The following CALN1 variants were observed in gnomAD, a reference collection of about 807,000 sequenced individuals.
CALN1 encodes calneuron 1, also known as calcium-binding protein 8.
Under a neutral mutation model 30.6 loss-of-function variants are expected in CALN1, and 17 were observed. That is an observed-to-expected ratio of 0.56 (90% CI 0.38 to 0.83). CALN1 has a LOEUF of 0.83. CALN1 is among the 40% of genes least tolerant of loss of function. CALN1 has a pLI of 0.00. For synonymous variants in CALN1, 156 were observed against 131.4 expected, an observed-to-expected ratio of 1.19 and a Z score of -1.28; for missense variants, 291 against 354.9, an observed-to-expected ratio of 0.82 and a Z score of 1.45.
chr7:72,012,621 A>C (rs552609737), intron 5 of CALN1, among the ~76,000 whole-genome samples: 2 of 152,330 alleles, frequency 1.3e-5, no homozygotes, highest in African/African-American at 4.8e-5. Context: ...AACTGGACAT[A>C]AGGCTGGTAT....
intron 3 of CALN1, among the ~76,000 whole-genome samples, chr7:72,276,323 A>G (rs2129553878): frequency 6.6e-6 from 1 of 152,306 alleles, no homozygotes. Flanking sequence ...ATAGGTAGGA[A>G]AAGCCTGGGC....
chr7:71,816,163 CCT>C (rs981797385), intron 5 of CALN1, among the ~76,000 whole-genome samples: 9 of 151,936 alleles, frequency 5.9e-5, no homozygotes. Context: ...TAACTGTGCA[CCT>C]CTGTTCTAAA....
At chr7:72,181,096 A>AAC (rs1789755682) in intron 3 of CALN1, among the ~76,000 whole-genome samples, 7 of 74,610 alleles carry the variant, frequency 9.4e-5, no homozygotes, top group Admixed American at 1.4e-4. Context: ...AAACTGCATA[A>AAC]CCCCCCCCCC....
At chr7:72,229,829 G>C (rs891258526) in intron 3 of CALN1, among the ~76,000 whole-genome samples, 8 of 151,812 alleles carry the variant, frequency 5.3e-5, no homozygotes, top group Non-Finnish European at 8.8e-5. Flanking sequence ...AATACATAAT[G>C]CATTTGCAGG....
chr7:71,794,433 TAGA>T (rs1414721602), intron 6 of CALN1, among the ~76,000 whole-genome samples: 2 of 152,230 alleles, frequency 1.3e-5, no homozygotes, highest in African/African-American at 2.4e-5. Context: ...AAGTCTATAA[TAGA>T]AGACTATAGG....
At chr7:72,428,383 T>C (rs1211750716) in intron 1 of CALN1, among the ~76,000 whole-genome samples, 1 of 149,758 alleles carries the variant, frequency 6.7e-6, no homozygotes, top group Non-Finnish European at 1.5e-5. Flanking sequence ...TTTTTGTTTT[T>C]ATTTTATTTT....
intron 4 of CALN1, among the ~76,000 whole-genome samples, chr7:72,096,052 G>C (rs1017839972): frequency 6.6e-6 from 1 of 150,554 alleles, no homozygotes; most frequent in Non-Finnish European, 1.5e-5. Flanking sequence ...AAGATAGATA[G>C]ATAGATAGAT....
intron 2 of CALN1, among the ~76,000 whole-genome samples, chr7:72,294,286 G>C (rs1683789451): frequency 6.6e-6 from 1 of 152,096 alleles, no homozygotes; most frequent in African/African-American, 2.4e-5. Flanking sequence ...AGAAAATAAA[G>C]TTCTCACTTC....
At chr7:71,946,983 G>A (rs1430548205) in intron 5 of CALN1, among the ~76,000 whole-genome samples, 1 of 152,084 alleles carries the variant, frequency 6.6e-6, no homozygotes, top group Non-Finnish European at 1.5e-5. Context: ...CAGAAGCCAC[G>A]TTTGGTGGGA....
At chr7:72,305,799 C>G (rs1267614961) in intron 2 of CALN1, among the ~76,000 whole-genome samples, 1 of 152,180 alleles carries the variant, frequency 6.6e-6, no homozygotes, top group Admixed American at 6.5e-5. Flanking sequence ...TGTCTAAGAT[C>G]AAGAGGTCAA....
Position 72,402,747 on chromosome 7 carries a change from A to G in CALN1, c.119+504T>C, listed in dbSNP as rs1266388924. Among the ~76,000 whole-genome samples the G allele has an allele frequency of 1.3e-5, 2 of 152,202 alleles. 1 individual carries two copies. The highest frequency in any genetic ancestry group is 4.8e-5 in the African/African-American group (2 of 41,456). On this transcript the variant is annotated intron_variant, in intron 2 of 6. Transcript: ENST00000395275. The stretch of plus-strand genomic sequence containing the variant: ...AGACAGACAGGGTAGCCTAGTGGTT[A>G]GGAGCATAATTTTTTGGTGGGGGAT...
intron 2 of CALN1, among the ~76,000 whole-genome samples, chr7:72,374,828 A>G (rs1257810675): frequency 1.3e-5 from 2 of 152,174 alleles, no homozygotes; most frequent in African/African-American, 4.8e-5. Context: ...TTATTACCAC[A>G]TATTTTGCTC....
chr7:72,430,508 T>A (rs1170642414), intron 1 of CALN1, among the ~76,000 whole-genome samples: 1 of 152,142 alleles, frequency 6.6e-6, no homozygotes, highest in Non-Finnish European at 1.5e-5. Flanking sequence ...AACGTTTTTC[T>A]ACCAGGGTCA....
chr7:72,023,531 G>C, intron 5 of CALN1, 126 bp downstream of exon 5: 1 of 546,762 alleles, frequency 1.8e-6, no homozygotes, highest in Non-Finnish European at 3.1e-6. Context: ...CTTTGTTCTG[G>C]AACATATGTC....
At chr7:72,124,340 C>A (rs1425169397) in intron 3 of CALN1, among the ~76,000 whole-genome samples, 1 of 152,140 alleles carries the variant, frequency 6.6e-6, no homozygotes, top group Non-Finnish European at 1.5e-5. Context: ...CCCAAATTCA[C>A]TTTTGGAAAA....
chr7:72,348,254 C>T (rs1435586883), intron 2 of CALN1, among the ~76,000 whole-genome samples: 1 of 152,178 alleles, frequency 6.6e-6, no homozygotes, highest in Admixed American at 6.6e-5. Context: ...AATTGGACAG[C>T]AGATAGTACA....
chr7:72,176,440 G>T (rs1789363385), intron 3 of CALN1, among the ~76,000 whole-genome samples: 1 of 152,096 alleles, frequency 6.6e-6, no homozygotes, highest in Non-Finnish European at 1.5e-5. Context: ...GGAGGTGTTT[G>T]GGTCATGGGG....
In CALN1 at chr7:72,092,322, G is replaced by A. The variant is rs185877263; in HGVS notation, c.388+13829C>T. On this transcript the variant is annotated intron_variant, in intron 4 of 6. Coordinates refer to ENST00000395275, the MANE Select transcript of CALN1 (RefSeq NM_031468.4). ...TGTGCCTATATTACTTGTTCTTTAC[G>A]ATTTAATTAGGTTGTCTTTGTAGCC... is the stretch of plus-strand genomic sequence containing the variant. Among the ~76,000 whole-genome samples the A allele has an allele frequency of 4.4e-3, 670 of 151,976 alleles. 3 individuals are homozygous for A. Among genetic ancestry groups the A allele is most frequent in the African/African-American group, 0.016 (649 of 41,454 alleles).
intron 4 of CALN1, among the ~76,000 whole-genome samples, chr7:72,054,753 C>A (rs1803138913): frequency 6.6e-6 from 1 of 151,648 alleles, no homozygotes; most frequent in South Asian, 2.1e-4. Context: ...GATACTGGGG[C>A]CTACTTGAAG....
Sources: allele counts gnomAD v4.1 joint callset (sites outside exome capture counted in the v4.1 genomes callset), GRCh38; gene constraint gnomAD v4.1.1; transcripts MANE v1.5; gene names NCBI Gene and HGNC (gene_info 2026-07-23, HGNC 2026-07-21).